THRB: variants seen among roughly 807,000 people sequenced by gnomAD.
THRB encodes the protein nuclear receptor subfamily 1 group A member 2.
THRB carries 12 observed loss-of-function variants against 47.8 expected under a neutral mutation model. The ratio of observed to expected loss-of-function variants is 0.25; its 90% CI spans 0.16 to 0.41. The LOEUF (loss-of-function observed/expected upper bound fraction) is 0.41, where lower values mean the gene tolerates loss of function less well. Among genes scored for constraint, THRB ranks in the 10% least tolerant of loss-of-function variants. The pLI is 1.00. For missense variants in THRB, 348 were observed against 589.2 expected, an observed-to-expected ratio of 0.59 and a Z score of 4.24; for synonymous variants, 218 against 212.2, an observed-to-expected ratio of 1.03 and a Z score of -0.24.
At chr3:24,406,964 G>T (rs2067875773) in intron 1 of THRB, among the ~76,000 whole-genome samples, 2 of 151,844 alleles carry the variant, frequency 1.3e-5, no homozygotes, top group Admixed American at 1.3e-4. Flanking sequence ...AGGTCTATGG[G>T]AATAGCCACT....
At chr3:24,399,498 G>C (rs1198680802) in intron 1 of THRB, among the ~76,000 whole-genome samples, 1 of 152,078 alleles carries the variant, frequency 6.6e-6, no homozygotes, top group Non-Finnish European at 1.5e-5. Context: ...TGACAGCACT[G>C]CATTAAACCA....
At chr3:24,219,397 G>A (rs921143110) in intron 4 of THRB, among the ~76,000 whole-genome samples, 2 of 152,212 alleles carry the variant, frequency 1.3e-5, no homozygotes, top group Non-Finnish European at 2.9e-5. Context: ...TTACTTCAAT[G>A]AAAAATGCTG....
chr3:24,281,243 C>G (rs2054563430), intron 3 of THRB, among the ~76,000 whole-genome samples: 1 of 152,094 alleles, frequency 6.6e-6, no homozygotes, highest in Non-Finnish European at 1.5e-5. Context: ...GATCTCTCGG[C>G]AGAAACTCTA....
chr3:24,153,896 T>C (rs1034950404), intron 5 of THRB, among the ~76,000 whole-genome samples: 3 of 152,178 alleles, frequency 2.0e-5, no homozygotes, highest in African/African-American at 7.2e-5. Flanking sequence ...CAATAAAGAT[T>C]AGCTAGGTTG....
At chr3:24,188,672 A>G (rs529997539) in intron 5 of THRB, among the ~76,000 whole-genome samples, 2 of 152,158 alleles carry the variant, frequency 1.3e-5, no homozygotes, top group South Asian at 4.1e-4. Flanking sequence ...CAGCCCATAC[A>G]ATGTTGAGAT....
At chr3:24,355,395 A>G (rs2149581496) in intron 1 of THRB, among the ~76,000 whole-genome samples, 1 of 152,324 alleles carries the variant, frequency 6.6e-6, no homozygotes, top group Admixed American at 6.5e-5. Flanking sequence ...GATATCCTGG[A>G]ATGGATCCTA....
intron 3 of THRB, among the ~76,000 whole-genome samples, chr3:24,239,741 T>C (rs897002641): frequency 6.6e-6 from 1 of 152,124 alleles, no homozygotes; most frequent in Non-Finnish European, 1.5e-5. Flanking sequence ...TATTTAAATT[T>C]AGAATGTGTA....
At chr3:24,415,612 C>T (rs60904521) in intron 1 of THRB, among the ~76,000 whole-genome samples, 39,481 of 151,384 alleles carry the variant, frequency 0.26, 5,572 homozygotes, top group East Asian at 0.41. Flanking sequence ...ATGAATTCAA[C>T]GGCACATGTA....
intron 4 of THRB, among the ~76,000 whole-genome samples, chr3:24,206,944 C>T (rs1352550999): frequency 6.6e-6 from 1 of 151,928 alleles, no homozygotes; most frequent in Non-Finnish European, 1.5e-5. Context: ...CAAGACTAAA[C>T]CAGGAAGTTG....
rs149223194 is a variant in THRB, at chr3:24,448,500, C to T, written c.-261+46152G>A. Among the ~76,000 whole-genome samples the T allele has an allele frequency of 6.4e-3, 967 of 152,196 alleles. 6 individuals are homozygous for T. Among genetic ancestry groups the T allele is most frequent in the Middle Eastern group, 0.037 (11 of 294 alleles). On this transcript the variant is annotated intron_variant, in intron 1 of 10. Coordinates refer to ENST00000646209, the MANE Select transcript of THRB (RefSeq NM_001354712.2). ...GCTATCAATTAGGAAAGCTACAATACACAGATAAGCAGGCCTTGTCCTGGT... is the reference window on the plus strand; with the variant it reads ...GCTATCAATTAGGAAAGCTACAATATACAGATAAGCAGGCCTTGTCCTGGT...
chr3:24,274,883 G>A (rs1379296810), intron 3 of THRB, among the ~76,000 whole-genome samples: 1 of 151,926 alleles, frequency 6.6e-6, no homozygotes, highest in African/African-American at 2.4e-5. Context: ...GAGAGAGACA[G>A]TTTTTTTTAT....
At chr3:24,155,332 C>T (rs542287483) in intron 5 of THRB, among the ~76,000 whole-genome samples, 7 of 152,206 alleles carry the variant, frequency 4.6e-5, no homozygotes, top group African/African-American at 9.6e-5. Context: ...GAAACATCTA[C>T]TTAAGTTGGT....
chr3:24,241,910 C>T (rs1347748741), intron 3 of THRB, among the ~76,000 whole-genome samples: 1 of 152,098 alleles, frequency 6.6e-6, no homozygotes, highest in African/African-American at 2.4e-5. Context: ...TGGTGCACTC[C>T]CCTGCCCATC....
intron 2 of THRB, among the ~76,000 whole-genome samples, chr3:24,299,774 TTTATTTATTTATTTA>T (rs1385593416): frequency 0.084 from 3,126 of 37,422 alleles, 725 homozygotes; most frequent in African/African-American, 0.2. Flanking sequence ...TGCTTTTTTA[TTTATTTATTTATTTA>T]TTTTTTTTTT....
chr3:24,257,098 TC>T, intron 3 of THRB, among the ~76,000 whole-genome samples: 1 of 152,308 alleles, frequency 6.6e-6, no homozygotes, highest in South Asian at 2.1e-4. Flanking sequence ...TCTTCAATTT[TC>T]CAAATGGTGA....
At position 24,442,183 on chromosome 3, in the gene THRB, C is replaced by T. The variant is rs560215473; in HGVS notation, c.-261+52469G>A. ...TTTTCCATTCACAACTGTGTCTATA[C>T]CTTGTATCCTCAAGAGCAACCACAG... On this transcript the variant is annotated intron_variant, in intron 1 of 10. Transcript: ENST00000646209. 8.5e-5 allele frequency among the ~76,000 whole-genome samples: 13 copies of T among 152,294 alleles called. No individual in the cohort carries two copies. The East Asian group carries it at 1.2e-3, about 14-fold the overall frequency.
intron 1 of THRB, among the ~76,000 whole-genome samples, chr3:24,442,819 C>T (rs1363882581): frequency 2.0e-5 from 2 of 100,720 alleles, no homozygotes; most frequent in African/African-American, 7.6e-5. Flanking sequence ...AGTGAAACTC[C>T]GTCTCAAAAA....
rs559325556 is a variant in THRB, at chr3:24,118,973, GTTTTTTTTTTTTTTTTT to G, written c.*3894_*3910del. 7 of 49,516 alleles carry G rather than the reference GTTTTTTTTTTTTTTTTT, an allele frequency of 1.4e-4. No homozygotes were observed. The highest frequency in any genetic ancestry group is 9.5e-4 in the South Asian group (1 of 1,054). The allele number at this position is 49,516 out of a possible 1,614,324, so 3.1% of individuals were successfully genotyped here. ...GCCAAACCTTTTTTCCCCCAGTCTG[GTTTTTTTTTTTTTTTTT>G]TTTTTTTTTTTTTGAGTGTGTTTTT... On this transcript the variant is annotated 3_prime_UTR_variant, in exon 11 of 11. Transcript: ENST00000646209.
chr3:24,247,020 C>T (rs1485761078), intron 3 of THRB, among the ~76,000 whole-genome samples: 1 of 152,170 alleles, frequency 6.6e-6, no homozygotes, highest in African/African-American at 2.4e-5. Flanking sequence ...TATTGCGGAT[C>T]CCATATGATA....
Sources: allele counts gnomAD v4.1 joint callset (sites outside exome capture counted in the v4.1 genomes callset), GRCh38; gene constraint gnomAD v4.1.1; transcripts MANE v1.5; gene names NCBI Gene and HGNC (gene_info 2026-07-23, HGNC 2026-07-21).